Variants in SPAG16 observed in about 807,000 individuals in gnomAD.
SPAG16 encodes the protein sperm associated antigen 16.
A neutral mutation model predicts 80.4 loss-of-function variants in SPAG16; 86 were observed. The observed-to-expected ratio is 1.07, with a 90% CI of 0.90 to 1.28. The LOEUF (loss-of-function observed/expected upper bound fraction) is 1.28. Among genes scored for constraint, SPAG16 ranks in the 50% most tolerant of loss-of-function variants. The pLI is 0.00. For synonymous variants in SPAG16, 294 were observed against 265.9 expected (o/e 1.11, Z -1.03); for missense variants, 870 against 765.3 (o/e 1.14, Z -1.61).
chr2:213,334,599 T>A (rs796540781), intron 5 of SPAG16, among the ~76,000 whole-genome samples: 56 of 152,292 alleles, frequency 3.7e-4, no homozygotes, highest in African/African-American at 1.3e-3. Flanking sequence ...ATGTAGTACA[T>A]ATATGTAATG....
chr2:213,956,474 G>T lies in SPAG16; in HGVS notation c.1400+26329G>T, dbSNP rs113908395. 4.1e-3 allele frequency among the ~76,000 whole-genome samples: 560 copies of T among 137,572 alleles called. 4 individuals are homozygous for T. The highest frequency in any genetic ancestry group is 0.014 in the African/African-American group (536 of 37,332). The allele number at this position is 137,572 out of a possible 152,430, so 90.3% of individuals were successfully genotyped here. A position where few individuals can be genotyped will look rare whatever the true frequency, so the allele number is the denominator to read the frequency against. ...TTTTTTTTTTTTTTTTTGAGGCAGGGTCTCACTCTGTCACCCAGGCTGGAG... is the reference window on the plus strand; with the variant it reads ...TTTTTTTTTTTTTTTTTGAGGCAGGTTCTCACTCTGTCACCCAGGCTGGAG... On this transcript the variant is annotated intron_variant, in intron 12 of 15. Transcript: ENST00000331683.
At chr2:213,809,728 C>T (rs2072008558) in intron 10 of SPAG16, among the ~76,000 whole-genome samples, 1 of 151,988 alleles carries the variant, frequency 6.6e-6, no homozygotes, top group South Asian at 2.1e-4. Flanking sequence ...TTCCAAGGGC[C>T]CACATGATGC....
intron 10 of SPAG16, among the ~76,000 whole-genome samples, chr2:213,747,259 G>T (rs2067869651): frequency 6.6e-6 from 1 of 152,268 alleles, no homozygotes; most frequent in Non-Finnish European, 1.5e-5. Context: ...GTACATGTTT[G>T]TGTCTTAACC....
intron 15 of SPAG16, among the ~76,000 whole-genome samples, chr2:214,258,223 G>C (rs1000662843): frequency 6.6e-6 from 1 of 151,772 alleles, no homozygotes; most frequent in Non-Finnish European, 1.5e-5. Context: ...CCAATGTGTA[G>C]TCTTTTATTC....
chr2:213,437,696 A>G (rs1039817947), intron 9 of SPAG16, among the ~76,000 whole-genome samples: 3 of 152,090 alleles, frequency 2.0e-5, no homozygotes, highest in Non-Finnish European at 4.4e-5. Context: ...ACTTTTTTAA[A>G]AACATACTCA....
intron 15 of SPAG16, among the ~76,000 whole-genome samples, chr2:214,178,108 A>G (rs1376281048): frequency 6.7e-6 from 1 of 148,322 alleles, no homozygotes; most frequent in African/African-American, 2.5e-5. Context: ...GAGGAAATAT[A>G]GGTACTTACT....
chr2:213,846,522 C>G (rs1056808039), intron 10 of SPAG16, among the ~76,000 whole-genome samples: 17 of 151,842 alleles, frequency 1.1e-4, no homozygotes, highest in Non-Finnish European at 2.4e-4. Context: ...ATTAGTAAAA[C>G]CAGTCCATGT....
chr2:213,801,593 T>C (rs537572975), intron 10 of SPAG16, among the ~76,000 whole-genome samples: 2 of 152,144 alleles, frequency 1.3e-5, no homozygotes, highest in African/African-American at 4.8e-5. Context: ...TGTGCTAAGG[T>C]TGATTTCAAA....
intron 10 of SPAG16, among the ~76,000 whole-genome samples, chr2:213,551,538 T>G (rs2076779794): frequency 6.6e-6 from 1 of 152,216 alleles, no homozygotes; most frequent in Admixed American, 6.5e-5. Flanking sequence ...GTTGGGACAC[T>G]TCTGTCATCT....
chr2:213,301,513 A>G (rs1181023471), intron 3 of SPAG16, among the ~76,000 whole-genome samples: 2 of 152,166 alleles, frequency 1.3e-5, no homozygotes, highest in South Asian at 2.1e-4. Flanking sequence ...GCAATTCAAC[A>G]TTTAATTAGT....
chr2:213,775,925 G>C (rs2069547565), intron 10 of SPAG16, among the ~76,000 whole-genome samples: 1 of 152,208 alleles, frequency 6.6e-6, no homozygotes, highest in Non-Finnish European at 1.5e-5. Flanking sequence ...GAGATTGTTA[G>C]TAAACCCCTA....
chr2:213,763,593 A>T (rs938314433), intron 10 of SPAG16, among the ~76,000 whole-genome samples: 1 of 152,180 alleles, frequency 6.6e-6, no homozygotes, highest in Non-Finnish European at 1.5e-5. Context: ...TATTTGCTTT[A>T]CAACAATGTG....
chr2:214,058,633 GC>G (rs994777563), intron 13 of SPAG16, among the ~76,000 whole-genome samples: 9 of 152,018 alleles, frequency 5.9e-5, no homozygotes, highest in African/African-American at 2.2e-4. Context: ...ACACAGGGCT[GC>G]CACAAACCTC....
At chr2:214,330,346 G>A (rs1238806907) in intron 15 of SPAG16, among the ~76,000 whole-genome samples, 2 of 151,888 alleles carry the variant, frequency 1.3e-5, no homozygotes, top group East Asian at 3.9e-4. Context: ...AGAACTTTTA[G>A]CTCCATAGGA....
At chr2:213,335,109 TTA>T (rs2064290421) in intron 5 of SPAG16, among the ~76,000 whole-genome samples, 1 of 152,154 alleles carries the variant, frequency 6.6e-6, no homozygotes, top group African/African-American at 2.4e-5. Context: ...TAATTAAAAA[TTA>T]TATTTTCATT....
At chr2:213,442,306 A>G (rs189022942) in intron 9 of SPAG16, among the ~76,000 whole-genome samples, 1 of 152,374 alleles carries the variant, frequency 6.6e-6, no homozygotes, top group East Asian at 1.9e-4. Context: ...TTTCGTGTTC[A>G]TAATTAGCAA....
intron 10 of SPAG16, among the ~76,000 whole-genome samples, chr2:213,600,912 C>T (rs1042269645): frequency 1.3e-5 from 2 of 152,120 alleles, no homozygotes; most frequent in Admixed American, 1.3e-4. Context: ...AAATGACATA[C>T]AAATTTATTA....
At chr2:213,574,735 G>C (rs1313636037) in intron 10 of SPAG16, among the ~76,000 whole-genome samples, 2 of 146,414 alleles carry the variant, frequency 1.4e-5, no homozygotes, top group African/African-American at 5.1e-5. Flanking sequence ...AGCTATACCT[G>C]GTCATGGTCA....
intron 11 of SPAG16, among the ~76,000 whole-genome samples, chr2:213,882,260 A>G (rs145028499): frequency 2.7e-4 from 41 of 152,182 alleles, no homozygotes; most frequent in Non-Finnish European, 4.1e-4. Flanking sequence ...TTTTGTGTCT[A>G]TATTCATCAG....
Sources: gnomAD v4.1 joint callset for allele counts (sites outside exome capture counted in the v4.1 genomes callset) on GRCh38, gnomAD v4.1.1 for gene constraint, MANE v1.5 for transcripts, NCBI Gene and HGNC (gene_info 2026-07-23, HGNC 2026-07-21) for gene names.